INPP4B: variants seen among roughly 807,000 people sequenced by gnomAD.
INPP4B encodes the protein inositol polyphosphate 4-phosphatase type II.
In INPP4B, 55 loss-of-function variants were observed where a neutral mutation model predicts 122.5. The ratio of observed to expected loss-of-function variants is 0.45; its 90% CI spans 0.36 to 0.56. The LOEUF is 0.56. Among genes scored for constraint, INPP4B ranks in the 20% least tolerant of loss-of-function variants. The pLI, the probability that INPP4B is intolerant of heterozygous loss-of-function variation, is 0.00. For missense variants in INPP4B, 1,000 were observed against 1,097.7 expected, an observed-to-expected ratio of 0.91 and a Z score of 1.26; for synonymous variants, 403 against 388.7, an observed-to-expected ratio of 1.04 and a Z score of -0.43.
intron 2 of INPP4B, among the ~76,000 whole-genome samples, chr4:142,643,058 G>C (rs1408790036): frequency 6.6e-6 from 1 of 152,100 alleles, no homozygotes; most frequent in African/African-American, 2.4e-5. Flanking sequence ...CTCATGATTT[G>C]ACTCTCTCTT....
chr4:142,431,327 G>T lies in INPP4B; in HGVS notation c.-68C>A. On this transcript the variant is annotated 5_prime_UTR_variant, in exon 4 of 26. Coordinates refer to ENST00000262992, the MANE Select transcript of INPP4B (RefSeq NM_001101669.3). Reference sequence around the variant, plus strand: ...CAAATGTCAGTTCTAGTGATTCCTGGTTTAATGTAGATGTATCTTCACACT... The same window carrying T: ...CAAATGTCAGTTCTAGTGATTCCTGTTTTAATGTAGATGTATCTTCACACT... 1 of 1,085,548 alleles carries T rather than the reference G, an allele frequency of 9.2e-7. No homozygotes were observed. Among genetic ancestry groups the T allele is most frequent in the Non-Finnish European group, 1.4e-6 (1 of 707,058 alleles). The allele number at this position is 1,085,548 out of a possible 1,614,324, so 67.2% of individuals were successfully genotyped here.
chr4:142,781,567 G>A (rs1423592649), intron 1 of INPP4B, among the ~76,000 whole-genome samples: 2 of 152,220 alleles, frequency 1.3e-5, no homozygotes, highest in East Asian at 3.9e-4. Context: ...ACATGAATTG[G>A]ATTGATTGTG....
At chr4:142,695,679 C>T (rs1037960294) in intron 2 of INPP4B, among the ~76,000 whole-genome samples, 3 of 152,106 alleles carry the variant, frequency 2.0e-5, no homozygotes, top group Admixed American at 6.6e-5. Context: ...CCAACAGATA[C>T]GATTTAATAA....
intron 8 of INPP4B, among the ~76,000 whole-genome samples, chr4:142,306,794 G>T (rs1763548467): frequency 6.6e-6 from 1 of 152,144 alleles, no homozygotes; most frequent in South Asian, 2.1e-4. Context: ...AGGACTGCTT[G>T]AGGCCAGGAG....
At chr4:142,269,066 T>C (rs73850832) in intron 10 of INPP4B, among the ~76,000 whole-genome samples, 4,345 of 152,272 alleles carry the variant, frequency 0.029, 177 homozygotes, top group East Asian at 0.2. Flanking sequence ...TAACAGCTTA[T>C]ATGTCCACAG....
intron 2 of INPP4B, among the ~76,000 whole-genome samples, chr4:142,670,104 T>C (rs930941108): frequency 2.0e-5 from 3 of 152,172 alleles, no homozygotes; most frequent in African/African-American, 7.2e-5. Context: ...GTGTATATGC[T>C]ACTTGCCCAT....
At chr4:142,469,461 C>T (rs1818416623) in intron 2 of INPP4B, among the ~76,000 whole-genome samples, 1 of 151,780 alleles carries the variant, frequency 6.6e-6, no homozygotes, top group Non-Finnish European at 1.5e-5. Flanking sequence ...AGTATAATTC[C>T]AATGAAAATT....
intron 1 of INPP4B, among the ~76,000 whole-genome samples, chr4:142,842,569 T>G (rs1485179717): frequency 7.1e-6 from 1 of 141,248 alleles, no homozygotes; most frequent in Non-Finnish European, 1.5e-5. Context: ...ATATATAATA[T>G]ATGATATATA....
intron 1 of INPP4B, among the ~76,000 whole-genome samples, chr4:142,726,673 C>A (rs1339680334): frequency 6.6e-6 from 1 of 152,018 alleles, no homozygotes; most frequent in Non-Finnish European, 1.5e-5. Context: ...TAAATTCACC[C>A]CTTAAGAAAG....
chr4:142,653,115 A>C (rs1157967493), intron 2 of INPP4B, among the ~76,000 whole-genome samples: 2 of 152,134 alleles, frequency 1.3e-5, no homozygotes, highest in East Asian at 1.9e-4. Flanking sequence ...CAAAAACAGG[A>C]AATGGGGAAA....
intron 18 of INPP4B, among the ~76,000 whole-genome samples, chr4:142,129,110 T>C (rs1044976613): frequency 2.0e-5 from 3 of 152,174 alleles, no homozygotes; most frequent in African/African-American, 7.2e-5. Context: ...ATGAGCCAGC[T>C]CTTAGGATTC....
intron 18 of INPP4B, among the ~76,000 whole-genome samples, chr4:142,135,184 G>T (rs1045154000): frequency 4.6e-5 from 7 of 152,110 alleles, no homozygotes. Flanking sequence ...ACAATATTGG[G>T]CCTCTATTAT....
intron 1 of INPP4B, chr4:142,766,841 A>C (rs529998065): frequency 6.6e-6 from 1 of 152,316 alleles, no homozygotes; most frequent in South Asian, 2.1e-4. Context: ...GAAATTACTC[A>C]AGGAAGAATA....
intron 2 of INPP4B, among the ~76,000 whole-genome samples, chr4:142,614,233 A>T (rs945459344): frequency 2.6e-5 from 4 of 152,136 alleles, no homozygotes; most frequent in Non-Finnish European, 5.9e-5. Context: ...AAACAAACAA[A>T]CAAACAAACC....
At chr4:142,686,268 A>C (rs746792138) in intron 2 of INPP4B, among the ~76,000 whole-genome samples, 16 of 152,252 alleles carry the variant, frequency 1.1e-4, no homozygotes, top group Non-Finnish European at 2.1e-4. Flanking sequence ...CAAAGCCAAA[A>C]ACTCAACTGT....
At chr4:142,289,781 G>A (rs764697265) in intron 9 of INPP4B, among the ~76,000 whole-genome samples, 5 of 152,096 alleles carry the variant, frequency 3.3e-5, no homozygotes, top group Non-Finnish European at 7.4e-5. Flanking sequence ...TCTTACCACA[G>A]CTTCCCCTAT....
At chr4:142,354,793 G>GA (rs1237784005) in intron 7 of INPP4B, among the ~76,000 whole-genome samples, 2 of 152,042 alleles carry the variant, frequency 1.3e-5, no homozygotes, top group African/African-American at 4.8e-5. Flanking sequence ...GCATATTCCA[G>GA]AGATTAGGGA....
intron 25 of INPP4B, among the ~76,000 whole-genome samples, chr4:142,059,792 A>T (rs992379999): frequency 1.3e-5 from 2 of 152,140 alleles, no homozygotes; most frequent in Admixed American, 1.3e-4. Context: ...CGATGGCATA[A>T]CATATAGCTA....
At chr4:142,787,165 T>C (rs966457) in intron 1 of INPP4B, among the ~76,000 whole-genome samples, 55,548 of 151,958 alleles carry the variant, frequency 0.37, 10,361 homozygotes, top group South Asian at 0.48. Context: ...AAAATAAATG[T>C]CAGGTTCAGG....
Sources: gnomAD v4.1 joint callset for allele counts (sites outside exome capture counted in the v4.1 genomes callset) on GRCh38, gnomAD v4.1.1 for gene constraint, MANE v1.5 for transcripts, NCBI Gene and HGNC (gene_info 2026-07-23, HGNC 2026-07-21) for gene names.